The following CSMD1 variants were observed in gnomAD, a reference collection of about 807,000 sequenced individuals.
CSMD1 encodes CUB and Sushi multiple domains 1.
Under a neutral mutation model 417.5 loss-of-function variants are expected in CSMD1, and 213 were observed. That is an observed-to-expected ratio of 0.51 (90% CI 0.46 to 0.57). The LOEUF (loss-of-function observed/expected upper bound fraction) is 0.57, where lower values mean the gene tolerates loss of function less well. Among genes scored for constraint, CSMD1 ranks in the 20% least tolerant of loss-of-function variants. The pLI is 0.00. For missense variants in CSMD1, 6,923 were observed against 4,529.7 expected (o/e 1.53, Z -15.17); for synonymous variants, 2,862 against 1,736.8 (o/e 1.65, Z -16.11).
chr8:2,952,897 A>G (rs1158465378), intron 65 of CSMD1, among the ~76,000 whole-genome samples: 1 of 152,166 alleles, frequency 6.6e-6, no homozygotes, highest in Non-Finnish European at 1.5e-5. Flanking sequence ...CTGGGTCTTT[A>G]TAATTTCACT....
Position 3,142,679 on chromosome 8 carries a change from G to T in CSMD1, c.6032-5C>A, listed in dbSNP as rs1290263754. 1 of 1,599,918 alleles carries T rather than the reference G, an allele frequency of 6.3e-7. No individual in the cohort carries two copies. The highest frequency in any genetic ancestry group is 1.3e-5 in the African/African-American group (1 of 74,608). On this transcript the variant is annotated splice_polypyrimidine_tract_variant and splice_region_variant and intron_variant, in intron 40 of 69. Coordinates refer to ENST00000635120, the MANE Select transcript of CSMD1 (RefSeq NM_033225.6). The stretch of plus-strand genomic sequence containing the variant: ...TCAGAAACTGAATATGTGCACCTAT[G>T]GAAAAACATGCAAACTTAATGAAAG...
At chr8:3,348,842 C>G (rs983597323) in intron 21 of CSMD1, among the ~76,000 whole-genome samples, 1 of 152,218 alleles carries the variant, frequency 6.6e-6, no homozygotes, top group Non-Finnish European at 1.5e-5. Flanking sequence ...ATACAACTCT[C>G]TACTTTCTGT....
chr8:4,103,289 G>A (rs1028708268), intron 3 of CSMD1, among the ~76,000 whole-genome samples: 1 of 150,410 alleles, frequency 6.6e-6, no homozygotes, highest in Admixed American at 6.6e-5. Context: ...CTGAAAGTAT[G>A]ACGTGTGTGT....
At chr8:4,058,868 C>A (rs1321643906) in intron 3 of CSMD1, among the ~76,000 whole-genome samples, 1 of 151,772 alleles carries the variant, frequency 6.6e-6, no homozygotes, top group Non-Finnish European at 1.5e-5. Context: ...CCACTGTCAA[C>A]ATTAGACAGA....
intron 3 of CSMD1, among the ~76,000 whole-genome samples, chr8:4,390,675 G>T (rs553093183): frequency 1.3e-5 from 2 of 151,680 alleles, no homozygotes; most frequent in African/African-American, 2.4e-5. Flanking sequence ...CACCACGCCC[G>T]GCTAATTTTT....
At chr8:4,595,694 G>A (rs560101504) in intron 2 of CSMD1, among the ~76,000 whole-genome samples, 2 of 152,100 alleles carry the variant, frequency 1.3e-5, no homozygotes, top group African/African-American at 4.8e-5. Flanking sequence ...TTGAACTCAG[G>A]AGTTGGAGGC....
chr8:3,734,882 T>A (rs190794484), intron 6 of CSMD1, among the ~76,000 whole-genome samples: 1 of 152,306 alleles, frequency 6.6e-6, no homozygotes, highest in African/African-American at 2.4e-5. Context: ...AATAGGGCTG[T>A]ACTGAAGCAA....
At chr8:3,177,286 G>T (rs1399089172) in intron 37 of CSMD1, among the ~76,000 whole-genome samples, 1 of 152,150 alleles carries the variant, frequency 6.6e-6, no homozygotes, top group Non-Finnish European at 1.5e-5. Flanking sequence ...CTATCAGGGG[G>T]CTATAAGAAA....
At chr8:4,842,234 AG>A (rs1328521278) in intron 1 of CSMD1, among the ~76,000 whole-genome samples, 1 of 152,248 alleles carries the variant, frequency 6.6e-6, no homozygotes, top group Non-Finnish European at 1.5e-5. Flanking sequence ...TAAGGGAACC[AG>A]GGAAGTCAAA....
chr8:3,560,898 C>G (rs1368691934), intron 10 of CSMD1, among the ~76,000 whole-genome samples: 1 of 152,128 alleles, frequency 6.6e-6, no homozygotes, highest in Non-Finnish European at 1.5e-5. Context: ...TCTTCCAGTT[C>G]CTATTTACTT....
At chr8:3,746,155 GA>G (rs1797057164) in intron 6 of CSMD1, among the ~76,000 whole-genome samples, 1 of 152,232 alleles carries the variant, frequency 6.6e-6, no homozygotes, top group African/African-American at 2.4e-5. Flanking sequence ...TGAAGAATAA[GA>G]GCAGCTCAGG....
In CSMD1 at chr8:3,919,952, G is replaced by A. The variant is rs118097885; in HGVS notation, c.818+77951C>T. Among the ~76,000 whole-genome samples, 1,019 of 152,018 alleles carry A rather than the reference G, an allele frequency of 6.7e-3. 4 individuals carry two copies. The highest frequency in any genetic ancestry group is 0.017 in the Middle Eastern group (5 of 290). ...GATAATTTGACTCAGAAACACAACTGAGTCTTGTATTTTTAGTGTGTAATC... is the reference window on the plus strand; with the variant it reads ...GATAATTTGACTCAGAAACACAACTAAGTCTTGTATTTTTAGTGTGTAATC... On this transcript the variant is annotated intron_variant, in intron 5 of 69. Transcript: ENST00000635120.
chr8:3,944,642 C>G (rs115543342), intron 5 of CSMD1, among the ~76,000 whole-genome samples: 3 of 152,134 alleles, frequency 2.0e-5, no homozygotes, highest in Non-Finnish European at 4.4e-5. Flanking sequence ...TCCTTTATAA[C>G]TGGTGGATTC....
intron 6 of CSMD1, among the ~76,000 whole-genome samples, chr8:3,710,695 C>A (rs4398944): frequency 6.6e-6 from 1 of 151,868 alleles, no homozygotes; most frequent in South Asian, 2.1e-4. Context: ...CTCTTTGCAG[C>A]GACACTGTGC....
At chr8:3,849,078 T>C (rs1803703078) in intron 5 of CSMD1, among the ~76,000 whole-genome samples, 2 of 152,218 alleles carry the variant, frequency 1.3e-5, no homozygotes, top group Admixed American at 6.5e-5. Context: ...CAAGATTCCA[T>C]TTAACAGTTG....
chr8:4,442,291 A>G (rs998127187), intron 2 of CSMD1, among the ~76,000 whole-genome samples: 2 of 152,160 alleles, frequency 1.3e-5, no homozygotes. Context: ...AAAATTATTA[A>G]AAGTTAGAAA....
chr8:3,867,719 A>G (rs35278218), intron 5 of CSMD1, among the ~76,000 whole-genome samples: 13,135 of 152,190 alleles, frequency 0.086, 658 homozygotes, highest in South Asian at 0.15. Context: ...GTTGTTAATA[A>G]TAATAGCTGC....
intron 2 of CSMD1, among the ~76,000 whole-genome samples, chr8:4,595,490 C>T (rs183582877): frequency 1.8e-4 from 28 of 152,150 alleles, no homozygotes; most frequent in African/African-American, 6.0e-4. Flanking sequence ...GGAGTCCTCT[C>T]AAATGGTGGC....
At chr8:4,459,273 C>A (rs932641535) in intron 2 of CSMD1, among the ~76,000 whole-genome samples, 2 of 152,214 alleles carry the variant, frequency 1.3e-5, no homozygotes, top group East Asian at 3.9e-4. Context: ...TGCTGCAGTT[C>A]CTGTCACTTG....
Sources: allele counts gnomAD v4.1 joint callset (sites outside exome capture counted in the v4.1 genomes callset), GRCh38; gene constraint gnomAD v4.1.1; transcripts MANE v1.5; gene names NCBI Gene and HGNC (gene_info 2026-07-23, HGNC 2026-07-21).